ITGA9: variants seen among roughly 807,000 people sequenced by gnomAD.
ITGA9 encodes the protein integrin alpha-9.
In ITGA9, 56 loss-of-function variants were observed where a neutral mutation model predicts 127.8. The observed-to-expected ratio is 0.44, with a 90% CI of 0.35 to 0.55. The LOEUF (loss-of-function observed/expected upper bound fraction) is 0.55. Among genes scored for constraint, ITGA9 ranks in the 20% least tolerant of loss-of-function variants. The pLI is 0.00. For missense variants in ITGA9, 1,196 were observed against 1,347.1 expected (o/e 0.89, Z 1.76); for synonymous variants, 508 against 514.5 (o/e 0.99, Z 0.17).
rs192803065 is a variant in ITGA9 at position 37,684,866 on chromosome 3, A to G, written c.2067+851A>G. ...TTAATTTGAATGAAGTGAAGTTTATATAGCATGACTCAAAGGTACAGTGCT... is the reference window on the plus strand; with the variant it reads ...TTAATTTGAATGAAGTGAAGTTTATGTAGCATGACTCAAAGGTACAGTGCT... On this transcript the variant is annotated intron_variant, in intron 18 of 27. Coordinates refer to ENST00000264741, the MANE Select transcript of ITGA9 (RefSeq NM_002207.3). Among the ~76,000 whole-genome samples, 6 of 152,316 alleles carry G rather than the reference A, an allele frequency of 3.9e-5. No individual in the cohort carries two copies. The East Asian group carries it at 1.2e-3, about 29-fold the overall frequency.
chr3:37,642,463 G>A (rs1196311472), intron 16 of ITGA9, among the ~76,000 whole-genome samples: 1 of 152,182 alleles, frequency 6.6e-6, no homozygotes, highest in Non-Finnish European at 1.5e-5. Context: ...AGAACACAAG[G>A]CTAGTTCCTT....
chr3:37,495,405 A>G (rs1290706549), intron 5 of ITGA9, among the ~76,000 whole-genome samples: 1 of 152,168 alleles, frequency 6.6e-6, no homozygotes, highest in East Asian at 1.9e-4. Flanking sequence ...ATTCTTACTT[A>G]CTGTAAGTTT....
Position 37,513,846 on chromosome 3 carries a change from GT to G in ITGA9, c.985del (p.Ser329LeufsTer26). ...CTGACCTGCTGGTGGGGGCCCCCAT[GT>G]TTTCTGAGATCAGGGATGAGGGACA... is the stretch of plus-strand genomic sequence containing the variant. ...LSDLLVGAPM[F>X]SEIRDEGQVT... On this transcript the variant is annotated frameshift_variant, in exon 9 of 28. Coordinates refer to ENST00000264741, the MANE Select transcript of ITGA9 (RefSeq NM_002207.3). LOFTEE classifies it high-confidence loss of function. 3 of 1,613,846 alleles carry G rather than the reference GT, an allele frequency of 1.9e-6. No individual in the cohort carries two copies. The highest frequency in any genetic ancestry group is 2.5e-6 in the Non-Finnish European group (3 of 1,180,030).
intron 15 of ITGA9, among the ~76,000 whole-genome samples, chr3:37,572,615 C>A (rs1699612539): frequency 6.6e-6 from 1 of 152,194 alleles, no homozygotes; most frequent in Admixed American, 6.5e-5. Flanking sequence ...GAAGGCAATA[C>A]ATTTTAGTTC....
At chr3:37,526,191 T>A in intron 13 of ITGA9, 120 bp downstream of exon 13, 1 of 850,710 alleles carries the variant, frequency 1.2e-6, no homozygotes, top group Non-Finnish European at 2.0e-6. Flanking sequence ...GCTTAGTAAG[T>A]GGAAATGCTA....
chr3:37,504,671 G>A (rs926939894), intron 6 of ITGA9, among the ~76,000 whole-genome samples: 43 of 152,132 alleles, frequency 2.8e-4, no homozygotes, highest in African/African-American at 9.9e-4. Context: ...TTGAAGCTTC[G>A]AGCCTGTGGT....
intron 15 of ITGA9, among the ~76,000 whole-genome samples, chr3:37,550,521 T>C (rs565517536): frequency 6.6e-6 from 1 of 152,342 alleles, no homozygotes; most frequent in Admixed American, 6.5e-5. Context: ...TAAATATTCT[T>C]ATCATGTCTG....
chr3:37,603,521 C>G (rs1310833300), intron 15 of ITGA9, among the ~76,000 whole-genome samples: 1 of 152,110 alleles, frequency 6.6e-6, no homozygotes, highest in Non-Finnish European at 1.5e-5. Context: ...CTTCCCCTAC[C>G]CAACAGAAGT....
intron 17 of ITGA9, among the ~76,000 whole-genome samples, chr3:37,674,416 C>T (rs34853589): frequency 0.03 from 4,589 of 152,284 alleles, 112 homozygotes; most frequent in Non-Finnish European, 0.047. Context: ...AAGCTGAGAG[C>T]AGCCTCTTAC....
chr3:37,518,091 C>T (rs537923104), intron 10 of ITGA9, among the ~76,000 whole-genome samples: 202 of 51,880 alleles, frequency 3.9e-3, no homozygotes, highest in South Asian at 0.024. Flanking sequence ...TGAGAGTGTA[C>T]GCGTGTGTGT....
chr3:37,664,024 T>A (rs1243126919), intron 17 of ITGA9, among the ~76,000 whole-genome samples: 1 of 152,238 alleles, frequency 6.6e-6, no homozygotes, highest in Non-Finnish European at 1.5e-5. Flanking sequence ...ATACTCTTTT[T>A]ACTGAGGCGG....
intron 14 of ITGA9, among the ~76,000 whole-genome samples, chr3:37,540,069 G>A (rs1279974073): frequency 6.6e-6 from 1 of 152,222 alleles, no homozygotes; most frequent in Non-Finnish European, 1.5e-5. Flanking sequence ...AAGAGGATAT[G>A]GGTGGGGGAG....
chr3:37,595,829 G>A (rs1390212000), intron 15 of ITGA9, among the ~76,000 whole-genome samples: 2 of 152,196 alleles, frequency 1.3e-5, no homozygotes, highest in Non-Finnish European at 1.5e-5. Flanking sequence ...AGCCTGGACC[G>A]CCGACCTTGT....
chr3:37,470,912 CAGAG>C lies in ITGA9; in HGVS notation c.186-92_186-89del, dbSNP rs1406518911. The C allele has an allele frequency of 3.8e-6, 5 of 1,314,292 alleles. No individual in the cohort carries two copies. In the African/African-American group the frequency reaches 4.3e-5, roughly 11 times the overall value. 81.4% of individuals were successfully genotyped at this position (1,314,292 alleles called of 1,614,324 possible). A position where few individuals can be genotyped will look rare whatever the true frequency, so the allele number is the denominator to read the frequency against. ...TAATATGATTTTCAAAGTGAGCACT[CAGAG>C]AGCCCACCCGTGGTTGGGTGAATAC... On this transcript the variant is annotated intron_variant, in intron 1 of 27. Coordinates refer to ENST00000264741, the MANE Select transcript of ITGA9 (RefSeq NM_002207.3).
chr3:37,714,534 C>T (rs993557903), intron 18 of ITGA9, among the ~76,000 whole-genome samples: 1 of 152,136 alleles, frequency 6.6e-6, no homozygotes, highest in Non-Finnish European at 1.5e-5. Context: ...CTGATTCTTC[C>T]CCTCTCCTAT....
chr3:37,457,211 C>T (rs1050094790), intron 1 of ITGA9, among the ~76,000 whole-genome samples: 1 of 152,202 alleles, frequency 6.6e-6, no homozygotes, highest in Admixed American at 6.5e-5. Flanking sequence ...CACCGCAGGG[C>T]CTGATCTATA....
chr3:37,511,990 TTTC>T lies in ITGA9; in HGVS notation c.898-1770_898-1768del, dbSNP rs1408225843. On this transcript the variant is annotated intron_variant, in intron 8 of 27. Coordinates refer to ENST00000264741, the MANE Select transcript of ITGA9 (RefSeq NM_002207.3). ...TTTCTTTTCTTTTCTTTTCTTTTCT[TTTC>T]TTTTCTTTTCTTTTCTTTTCTTTTC... 1.1e-4 allele frequency among the ~76,000 whole-genome samples: 3 copies of T among 26,954 alleles called. 1 individual carries two copies. Among genetic ancestry groups the T allele is most frequent in the Non-Finnish European group, 3.6e-4 (3 of 8,266 alleles). 17.7% of individuals were successfully genotyped at this position (26,954 alleles called of 152,430 possible). A position where few individuals can be genotyped will look rare whatever the true frequency, so the allele number is the denominator to read the frequency against.
In ITGA9 at chr3:37,511,999, TTTTCTTTTCTTTTCTTTTCTTTTCTTTTC is replaced by T. The variant is rs1384206814; in HGVS notation, c.898-1756_898-1728del. Among the ~76,000 whole-genome samples the T allele has an allele frequency of 4.1e-4, 21 of 51,458 alleles. 1 individual carries two copies. Among genetic ancestry groups the T allele is most frequent in the African/African-American group, 8.7e-4 (16 of 18,290 alleles). 33.8% of individuals were successfully genotyped at this position (51,458 alleles called of 152,430 possible). On this transcript the variant is annotated intron_variant, in intron 8 of 27. Transcript: ENST00000264741. ...TTTTCTTTTCTTTTCTTTTCTTTTC[TTTTCTTTTCTTTTCTTTTCTTTTCTTTTC>T]TTTCTTTCTTTCTTTCTTTCTTTCT...
chr3:37,692,213 G>A (rs1473278957), intron 18 of ITGA9, among the ~76,000 whole-genome samples: 3 of 152,128 alleles, frequency 2.0e-5, no homozygotes, highest in Non-Finnish European at 2.9e-5. Flanking sequence ...CCACACATGA[G>A]CTTATACTTT....
Sources: allele counts gnomAD v4.1 joint callset (sites outside exome capture counted in the v4.1 genomes callset), GRCh38; gene constraint gnomAD v4.1.1; transcripts MANE v1.5; gene names NCBI Gene and HGNC (gene_info 2026-07-23, HGNC 2026-07-21).